Variants in NXPE2 observed in about 807,000 individuals in gnomAD.
NXPE2 encodes neurexophilin and PC-esterase domain family member 2.
NXPE2 carries 34 observed loss-of-function variants against 34.4 expected under a neutral mutation model. The observed-to-expected ratio is 0.99, with a 90% CI of 0.75 to 1.31. The LOEUF (loss-of-function observed/expected upper bound fraction) is 1.31. NXPE2 is among the 40% of genes most tolerant of loss of function. NXPE2 has a pLI of 0.00. For missense variants in NXPE2, 649 were observed against 672.5 expected, an observed-to-expected ratio of 0.97 and a Z score of 0.39; for synonymous variants, 235 against 231.3, an observed-to-expected ratio of 1.02 and a Z score of -0.15.
chr11:114,694,832 C>T (rs541830898), intron 2 of NXPE2, among the ~76,000 whole-genome samples: 24 of 104,950 alleles, frequency 2.3e-4, no homozygotes, highest in Non-Finnish European at 4.3e-4. Context: ...CCCATCTGTT[C>T]CTGCTTGTTT....
chr11:114,672,040 G>A, the NXPE2 span, among the ~76,000 whole-genome samples: 4 of 152,094 alleles, frequency 2.6e-5, no homozygotes, highest in East Asian at 7.7e-4. Flanking sequence ...TCTTCACATG[G>A]CTGGTGGGAA....
At chr11:114,603,379 T>A in the NXPE2 span, among the ~76,000 whole-genome samples, 1 of 141,008 alleles carries the variant, frequency 7.1e-6, no homozygotes, top group Non-Finnish European at 1.5e-5. Context: ...GATAAGTATT[T>A]CCTCATCTCC....
the NXPE2 span, among the ~76,000 whole-genome samples, chr11:114,774,039 G>A: frequency 6.6e-6 from 1 of 152,182 alleles, no homozygotes; most frequent in Admixed American, 6.5e-5. Context: ...AAGTGAGGCA[G>A]GTAATGCCTC....
chr11:114,570,869 T>A, the NXPE2 span: 1 of 1,102,420 alleles, frequency 9.1e-7, no homozygotes, highest in Non-Finnish European at 1.3e-6. Context: ...AAACACAGCA[T>A]CTGGCCTGCT....
chr11:114,641,299 G>A, the NXPE2 span, among the ~76,000 whole-genome samples: 8 of 152,076 alleles, frequency 5.3e-5, no homozygotes, highest in South Asian at 1.7e-3. Context: ...GAAAGGTAGT[G>A]TAAAAAATCC....
At position 114,678,569 on chromosome 11, in the gene NXPE2, C is replaced by T. The variant is rs774991633; in HGVS notation, c.-7C>T. On this transcript the variant is annotated 5_prime_UTR_variant, in exon 1 of 6. It adds an upstream start codon to the 5' untranslated region. Coordinates refer to ENST00000389586, the MANE Select transcript of NXPE2 (RefSeq NM_182495.6). Reference sequence around the variant, plus strand: ...GGACACTATAATTCCTGTGAGAACACGAGAAGATGGTGGAGAAAATACTCA... The same window carrying T: ...GGACACTATAATTCCTGTGAGAACATGAGAAGATGGTGGAGAAAATACTCA... 1.1e-4 allele frequency: 168 copies of T among 1,546,200 alleles called. No homozygotes were observed. The highest frequency in any genetic ancestry group is 2.1e-4 in the African/African-American group (15 of 72,844).
chr11:114,558,606 G>A, the NXPE2 span, among the ~76,000 whole-genome samples: 1 of 152,096 alleles, frequency 6.6e-6, no homozygotes, highest in Non-Finnish European at 1.5e-5. Flanking sequence ...AAACTTTTAT[G>A]TTTAAATGTG....
chr11:114,548,194 A>G, the NXPE2 span, among the ~76,000 whole-genome samples: 2 of 152,282 alleles, frequency 1.3e-5, no homozygotes, highest in African/African-American at 4.8e-5. Context: ...CAGAAAATAT[A>G]AGAGATTCAA....
At chr11:114,775,479 G>C in the NXPE2 span, among the ~76,000 whole-genome samples, 1 of 152,144 alleles carries the variant, frequency 6.6e-6, no homozygotes, top group African/African-American at 2.4e-5. Context: ...ATCTCCAAAG[G>C]GCTCCTGACC....
At chr11:114,567,616 G>A in the NXPE2 span, among the ~76,000 whole-genome samples, 6 of 151,550 alleles carry the variant, frequency 4.0e-5, no homozygotes, top group African/African-American at 7.3e-5. Context: ...AACTTTCCCC[G>A]TTTGGCCCAC....
chr11:114,760,581 G>T, the NXPE2 span, among the ~76,000 whole-genome samples: 1 of 152,168 alleles, frequency 6.6e-6, no homozygotes, highest in Non-Finnish European at 1.5e-5. Context: ...ATTTATCCAA[G>T]ACAAAGGGAG....
the NXPE2 span, among the ~76,000 whole-genome samples, chr11:114,534,599 T>G: frequency 7.6e-4 from 116 of 152,274 alleles, no homozygotes; most frequent in African/African-American, 2.5e-3. Flanking sequence ...AAGGACCTGA[T>G]GGAGCTGAAA....
At chr11:114,604,664 A>G in the NXPE2 span, among the ~76,000 whole-genome samples, 2 of 149,864 alleles carry the variant, frequency 1.3e-5, no homozygotes, top group East Asian at 2.0e-4. Flanking sequence ...GATAATAAAT[A>G]TTGCCTCGTG....
At chr11:114,800,758 G>C in the NXPE2 span, among the ~76,000 whole-genome samples, 2 of 150,388 alleles carry the variant, frequency 1.3e-5, no homozygotes, top group East Asian at 1.9e-4. Context: ...CTCTTGGTCT[G>C]TTTATAACAC....
At chr11:114,621,850 C>A in the NXPE2 span, among the ~76,000 whole-genome samples, 5 of 151,858 alleles carry the variant, frequency 3.3e-5, no homozygotes, top group African/African-American at 1.2e-4. Context: ...TAAATATTGC[C>A]TCATGGGTAA....
chr11:114,625,370 G>C, the NXPE2 span, among the ~76,000 whole-genome samples: 2 of 152,028 alleles, frequency 1.3e-5, no homozygotes, highest in African/African-American at 4.8e-5. Flanking sequence ...TTGCCTCTTG[G>C]GTAACCACTG....
At chr11:114,545,869 T>C in the NXPE2 span, among the ~76,000 whole-genome samples, 131 of 152,032 alleles carry the variant, frequency 8.6e-4, no homozygotes, top group African/African-American at 3.0e-3. Flanking sequence ...TTGTATTTTT[T>C]TAATAGAGAT....
At chr11:114,749,421 A>G in the NXPE2 span, among the ~76,000 whole-genome samples, 1 of 152,146 alleles carries the variant, frequency 6.6e-6, no homozygotes, top group African/African-American at 2.4e-5. Flanking sequence ...TCCCTTATAT[A>G]AAATGGGGTC....
At chr11:114,607,015 G>T in the NXPE2 span, among the ~76,000 whole-genome samples, 1 of 151,922 alleles carries the variant, frequency 6.6e-6, no homozygotes, top group Non-Finnish European at 1.5e-5. Flanking sequence ...ATTGCCTCTA[G>T]AGTAATCACG....
Sources: allele counts gnomAD v4.1 joint callset (sites outside exome capture counted in the v4.1 genomes callset), GRCh38; gene constraint gnomAD v4.1.1; transcripts MANE v1.5; gene names NCBI Gene and HGNC (gene_info 2026-07-23, HGNC 2026-07-21).